SLC10A7: variants seen among roughly 807,000 people sequenced by gnomAD.
SLC10A7 encodes solute carrier family 10 member 7.
A neutral mutation model predicts 43.2 loss-of-function variants in SLC10A7; 29 were observed. That is an observed-to-expected ratio of 0.67 (90% confidence interval 0.50 to 0.92). The LOEUF is 0.92. Ranked by LOEUF, SLC10A7 falls within the 40% of genes least tolerant of loss-of-function variation. The pLI is 0.00. For missense variants in SLC10A7, 295 were observed against 403.2 expected, an observed-to-expected ratio of 0.73 and a Z score of 2.30; for synonymous variants, 152 against 144.8, an observed-to-expected ratio of 1.05 and a Z score of -0.35.
intron 4 of SLC10A7, among the ~76,000 whole-genome samples, chr4:146,449,009 A>C (rs546458581): frequency 2.0e-5 from 3 of 152,332 alleles, no homozygotes; most frequent in African/African-American, 4.8e-5. Flanking sequence ...TGATATCTAC[A>C]AATGAAGAAA....
At chr4:146,278,973 T>A (rs966286666) in intron 10 of SLC10A7, among the ~76,000 whole-genome samples, 2 of 152,194 alleles carry the variant, frequency 1.3e-5, no homozygotes, top group South Asian at 4.1e-4. Context: ...TAAGTACATA[T>A]AAACAATGTA....
chr4:146,391,465 G>T (rs531099754), intron 5 of SLC10A7, among the ~76,000 whole-genome samples: 12 of 152,282 alleles, frequency 7.9e-5, no homozygotes, highest in African/African-American at 2.9e-4. Flanking sequence ...AAAGCAAACA[G>T]AATTCTTGAA....
intron 5 of SLC10A7, among the ~76,000 whole-genome samples, chr4:146,374,615 C>CAT (rs1560846881): frequency 2.5e-4 from 35 of 140,068 alleles, no homozygotes; most frequent in African/African-American, 8.8e-4. Context: ...TATATATATA[C>CAT]ACATACACAC....
At chr4:146,349,418 A>T (rs529682149) in intron 5 of SLC10A7, among the ~76,000 whole-genome samples, 2 of 152,324 alleles carry the variant, frequency 1.3e-5, no homozygotes, top group South Asian at 4.1e-4. Flanking sequence ...TGGGAATGTA[A>T]ATTATTTCAG....
intron 4 of SLC10A7, among the ~76,000 whole-genome samples, chr4:146,468,608 T>G (rs1733267917): frequency 1.3e-5 from 2 of 151,972 alleles, no homozygotes; most frequent in African/African-American, 4.8e-5. Context: ...TAGCTAGGAC[T>G]ACAGATGTGC....
intron 5 of SLC10A7, among the ~76,000 whole-genome samples, chr4:146,355,023 C>A (rs1378242878): frequency 1.9e-3 from 266 of 139,316 alleles, no homozygotes; most frequent in Middle Eastern, 0.01. Context: ...GCAACAAAAG[C>A]CAAAATTGAC....
At chr4:146,345,269 C>T (rs1734539721) in intron 5 of SLC10A7, among the ~76,000 whole-genome samples, 1 of 152,092 alleles carries the variant, frequency 6.6e-6, no homozygotes, top group Non-Finnish European at 1.5e-5. Flanking sequence ...AGCCTGAGAC[C>T]AATGCTACAT....
intron 11 of SLC10A7, among the ~76,000 whole-genome samples, chr4:146,258,042 A>G (rs1727988183): frequency 6.6e-6 from 1 of 152,232 alleles, no homozygotes; most frequent in South Asian, 2.1e-4. Flanking sequence ...AGTTCTATCA[A>G]TGCTACCACG....
intron 5 of SLC10A7, among the ~76,000 whole-genome samples, chr4:146,362,309 C>A (rs1736100461): frequency 6.6e-6 from 1 of 151,986 alleles, no homozygotes; most frequent in African/African-American, 2.4e-5. Context: ...AATAATCCAA[C>A]TCTCAAAGGT....
intron 7 of SLC10A7, among the ~76,000 whole-genome samples, chr4:146,302,102 T>C (rs185138463): frequency 3.9e-5 from 6 of 152,360 alleles, no homozygotes; most frequent in Admixed American, 1.3e-4. Context: ...TTTTTGTCTG[T>C]ATGTTTTAAG....
intron 4 of SLC10A7, among the ~76,000 whole-genome samples, chr4:146,493,413 T>C (rs763808706): frequency 6.6e-6 from 1 of 151,994 alleles, no homozygotes; most frequent in Non-Finnish European, 1.5e-5. Context: ...TCAATGTTTA[T>C]GTAGAACTGT....
rs1183878689 is a variant in SLC10A7 at position 146,254,881 on chromosome 4, A to G, written c.*1610T>C. ...TAACAGTGTGTACTACAGCCTGGTT[A>G]GCATAGATTTTTGCAGGATCTGGCA... On this transcript the variant is annotated 3_prime_UTR_variant, in exon 12 of 12. Coordinates refer to ENST00000335472, the MANE Select transcript of SLC10A7 (RefSeq NM_001029998.6). The G allele has an allele frequency of 6.6e-6, 1 of 152,238 alleles. No homozygotes were observed. Among genetic ancestry groups the G allele is most frequent in the Non-Finnish European group, 1.5e-5 (1 of 68,046 alleles). 9.4% of individuals were successfully genotyped at this position (152,238 alleles called of 1,614,324 possible).
At chr4:146,475,325 A>C (rs2149973699) in intron 4 of SLC10A7, among the ~76,000 whole-genome samples, 1 of 152,210 alleles carries the variant, frequency 6.6e-6, no homozygotes, top group Admixed American at 6.6e-5. Context: ...TAATCATGTA[A>C]ATCTTACTTG....
chr4:146,279,196 T>A (rs1729388595), intron 10 of SLC10A7, among the ~76,000 whole-genome samples: 1 of 152,306 alleles, frequency 6.6e-6, no homozygotes, highest in South Asian at 2.1e-4. Flanking sequence ...TGCTTTCAGT[T>A]TGCTATTTAA....
intron 6 of SLC10A7, among the ~76,000 whole-genome samples, chr4:146,314,684 C>T (rs903859293): frequency 2.0e-5 from 3 of 152,266 alleles, no homozygotes; most frequent in South Asian, 2.1e-4. Context: ...CTGAGGATGA[C>T]TTTCAGCAGT....
chr4:146,287,151 C>CGTGTCTGGAGTGGTGAGAAGGACT lies in SLC10A7; in HGVS notation c.774-3910_774-3887dup, dbSNP rs1360131326. On this transcript the variant is annotated intron_variant, in intron 9 of 11. Transcript: ENST00000335472. Reference sequence around the variant, plus strand: ...CCGTGTCTGGAGTGGTGAGAAGGACCGTGTCTGGAGTGGTGAGAAGGACTG... The same window carrying CGTGTCTGGAGTGGTGAGAAGGACT: ...CCGTGTCTGGAGTGGTGAGAAGGACCGTGTCTGGAGTGGTGAGAAGGACTGTGTCTGGAGTGGTGAGAAGGACTG... Among the ~76,000 whole-genome samples the CGTGTCTGGAGTGGTGAGAAGGACT allele has an allele frequency of 9.0e-3, 1,058 of 117,454 alleles. 37 individuals are homozygous for CGTGTCTGGAGTGGTGAGAAGGACT. Among genetic ancestry groups the CGTGTCTGGAGTGGTGAGAAGGACT allele is most frequent in the East Asian group, 0.071 (248 of 3,492 alleles). 77.1% of individuals were successfully genotyped at this position (117,454 alleles called of 152,430 possible).
intron 4 of SLC10A7, among the ~76,000 whole-genome samples, chr4:146,461,586 T>G (rs1292403984): frequency 6.6e-6 from 1 of 151,994 alleles, no homozygotes; most frequent in African/African-American, 2.4e-5. Context: ...CTCTTTCCTT[T>G]CTGTACACAC....
intron 1 of SLC10A7, among the ~76,000 whole-genome samples, chr4:146,520,667 A>G (rs1437659203): frequency 1.3e-5 from 2 of 152,168 alleles, no homozygotes; most frequent in African/African-American, 2.4e-5. Context: ...GCTTCCTACT[A>G]TGAAATATTG....
chr4:146,299,739 A>G (rs1731031476), intron 7 of SLC10A7, among the ~76,000 whole-genome samples: 2 of 152,192 alleles, frequency 1.3e-5, no homozygotes, highest in African/African-American at 4.8e-5. Flanking sequence ...AAGAAACACT[A>G]TAAGGAAGTA....
Sources: gnomAD v4.1 joint callset for allele counts (sites outside exome capture counted in the v4.1 genomes callset) on GRCh38, gnomAD v4.1.1 for gene constraint, MANE v1.5 for transcripts, NCBI Gene and HGNC (gene_info 2026-07-23, HGNC 2026-07-21) for gene names.